Variants in MSH3 observed in about 807,000 individuals in gnomAD.
The protein encoded by MSH3 is DNA mismatch repair protein Msh3.
Under a neutral mutation model 123.3 loss-of-function variants are expected in MSH3, and 106 were observed. The ratio of observed to expected loss-of-function variants is 0.86; its 90% CI spans 0.73 to 1.01. The LOEUF (loss-of-function observed/expected upper bound fraction) is 1.01. Ranked by LOEUF, MSH3 falls within the 50% of genes least tolerant of loss-of-function variation. The pLI is 0.00. For missense variants in MSH3, 1,459 were observed against 1,347.6 expected, an observed-to-expected ratio of 1.08 and a Z score of -1.29; for synonymous variants, 515 against 481.4, an observed-to-expected ratio of 1.07 and a Z score of -0.91.
At chr5:80,803,458 T>C (rs988152606) in intron 19 of MSH3, among the ~76,000 whole-genome samples, 1 of 143,130 alleles carries the variant, frequency 7.0e-6, no homozygotes, top group Non-Finnish European at 1.5e-5. Flanking sequence ...GCTCCTTGTA[T>C]AGTCTGGTTA....
intron 20 of MSH3, among the ~76,000 whole-genome samples, chr5:80,824,214 C>T (rs1024997606): frequency 6.6e-6 from 1 of 152,248 alleles, no homozygotes; most frequent in Non-Finnish European, 1.5e-5. Context: ...GTTGGGTACA[C>T]CTCCCAGACG....
intron 20 of MSH3, among the ~76,000 whole-genome samples, chr5:80,847,607 TTC>T (rs1205590016): frequency 4.6e-5 from 7 of 152,154 alleles, no homozygotes; most frequent in African/African-American, 1.7e-4. Flanking sequence ...AATTTTTTCT[TTC>T]TCTGAGGCAT....
At chr5:80,820,360 A>G in intron 20 of MSH3, among the ~76,000 whole-genome samples, 1 of 152,246 alleles carries the variant, frequency 6.6e-6, no homozygotes, top group East Asian at 1.9e-4. Context: ...AAAATCAGCT[A>G]GAAGAATATA....
intron 8 of MSH3, among the ~76,000 whole-genome samples, chr5:80,713,949 C>T (rs932555260): frequency 6.6e-6 from 1 of 152,200 alleles, no homozygotes; most frequent in Non-Finnish European, 1.5e-5. Flanking sequence ...CCACAGACTA[C>T]AGTTTGAGGA....
rs529556820 is a variant in MSH3 at position 80,794,820 on chromosome 5, ATAGATAGCT to A, written c.2655+1982_2655+1990del. ...ATGGCGATTGGGAATCCTGAAGTTT[ATAGATAGCT>A]TAGATTGAGGACAGACAGTGGTAAA... On this transcript the variant is annotated intron_variant, in intron 19 of 23. Coordinates refer to ENST00000265081, the MANE Select transcript of MSH3 (RefSeq NM_002439.5). Among the ~76,000 whole-genome samples, 9 of 152,312 alleles carry A rather than the reference ATAGATAGCT, an allele frequency of 5.9e-5. No homozygotes were observed. The East Asian group carries it at 1.7e-3, about 29-fold the overall frequency.
At chr5:80,768,172 G>A (rs1744156410) in intron 14 of MSH3, 52 bp downstream of exon 14, 3 of 1,479,040 alleles carry the variant, frequency 2.0e-6, no homozygotes. Context: ...ATAATTCAGT[G>A]CATTTGCCAT....
intron 8 of MSH3, among the ~76,000 whole-genome samples, chr5:80,719,654 C>G (rs1253892895): frequency 6.6e-6 from 1 of 152,180 alleles, no homozygotes; most frequent in African/African-American, 2.4e-5. Flanking sequence ...AAAGGTCTTA[C>G]GTTTCTTCCC....
chr5:80,676,923 C>T (rs548949199), intron 7 of MSH3, among the ~76,000 whole-genome samples: 14 of 152,168 alleles, frequency 9.2e-5, no homozygotes, highest in African/African-American at 1.9e-4. Flanking sequence ...AACTGGGACT[C>T]GGAAAAATGA....
intron 17 of MSH3, among the ~76,000 whole-genome samples, chr5:80,786,277 T>C (rs1250521666): frequency 6.6e-6 from 1 of 152,174 alleles, no homozygotes; most frequent in African/African-American, 2.4e-5. Context: ...AGTAGGGTGA[T>C]AGGAAGAGCA....
chr5:80,789,515 C>A (rs1208463280), intron 18 of MSH3, among the ~76,000 whole-genome samples: 1 of 152,052 alleles, frequency 6.6e-6, no homozygotes, highest in African/African-American at 2.4e-5. Context: ...AGATTACAGG[C>A]GTGTGCCACC....
intron 19 of MSH3, among the ~76,000 whole-genome samples, chr5:80,795,981 CAAA>C (rs1269834782): frequency 4.0e-5 from 4 of 100,472 alleles, no homozygotes; most frequent in African/African-American, 3.8e-5. Context: ...GAGACTGTCT[CAAA>C]AAAAAAAAAA....
intron 8 of MSH3, among the ~76,000 whole-genome samples, chr5:80,698,277 T>A (rs1750530132): frequency 6.6e-6 from 1 of 152,216 alleles, no homozygotes; most frequent in African/African-American, 2.4e-5. Flanking sequence ...AACATTATTA[T>A]ACAGTCATTC....
chr5:80,656,037 C>T (rs1356027939), intron 1 of MSH3, among the ~76,000 whole-genome samples: 1 of 152,142 alleles, frequency 6.6e-6, no homozygotes, highest in Non-Finnish European at 1.5e-5. Context: ...TATCTTTTCC[C>T]CTCTGTGCCT....
At chr5:80,860,139 C>T (rs1745991257) in intron 21 of MSH3, among the ~76,000 whole-genome samples, 1 of 152,004 alleles carries the variant, frequency 6.6e-6, no homozygotes, top group African/African-American at 2.4e-5. Flanking sequence ...CATACATAAT[C>T]GCATACACTG....
At chr5:80,829,317 C>T (rs1745379060) in intron 20 of MSH3, among the ~76,000 whole-genome samples, 1 of 152,158 alleles carries the variant, frequency 6.6e-6, no homozygotes, top group Admixed American at 6.5e-5. Flanking sequence ...TTGGCTGATC[C>T]TAGTTGGAAA....
intron 21 of MSH3, among the ~76,000 whole-genome samples, chr5:80,862,135 G>C (rs1369188148): frequency 1.3e-5 from 2 of 152,124 alleles, no homozygotes; most frequent in African/African-American, 4.8e-5. Flanking sequence ...CACAGTGTCG[G>C]ATCCCAGACC....
rs6151719 is a variant in MSH3 at position 80,721,853 on chromosome 5, A to G, written c.1341-3600A>G. Among the ~76,000 whole-genome samples, 1,423 of 152,274 alleles carry G rather than the reference A, an allele frequency of 9.3e-3. 19 individuals carry two copies. The highest frequency in any genetic ancestry group is 0.032 in the African/African-American group (1,314 of 41,554). On this transcript the variant is annotated intron_variant, in intron 8 of 23. Coordinates refer to ENST00000265081, the MANE Select transcript of MSH3 (RefSeq NM_002439.5). ...AATGATACATTTATTTCTACTTTTC[A>G]TAATATTGAGGGAGGGAGTGTTCTG...
chr5:80,770,554 G>C (rs1464338862), intron 15 of MSH3, among the ~76,000 whole-genome samples: 2 of 152,080 alleles, frequency 1.3e-5, no homozygotes, highest in African/African-American at 4.8e-5. Context: ...ATGCCCAAAA[G>C]GGTCATTCCA....
At chr5:80,696,592 C>A (rs1750488433) in intron 8 of MSH3, among the ~76,000 whole-genome samples, 1 of 152,130 alleles carries the variant, frequency 6.6e-6, no homozygotes. Flanking sequence ...CCTCACATCC[C>A]AAGTTCACTA....
Sources: gnomAD v4.1 joint callset for allele counts (sites outside exome capture counted in the v4.1 genomes callset) on GRCh38, gnomAD v4.1.1 for gene constraint, MANE v1.5 for transcripts, NCBI Gene and HGNC (gene_info 2026-07-23, HGNC 2026-07-21) for gene names.